TOP3A: variants seen among roughly 807,000 people sequenced by gnomAD.
TOP3A encodes the protein DNA topoisomerase III alpha, also known as DNA topoisomerase 3-alpha.
TOP3A carries 64 observed loss-of-function variants against 111.3 expected under a neutral mutation model. The ratio of observed to expected loss-of-function variants is 0.57; its 90% CI spans 0.47 to 0.71. The LOEUF (loss-of-function observed/expected upper bound fraction) is 0.71. TOP3A is among the 30% of genes least tolerant of loss of function. The probability of loss-of-function intolerance (pLI) is 0.00; values close to 1 mark genes in which losing one functional copy is unlikely to be tolerated. For synonymous variants in TOP3A, 484 were observed against 485.1 expected (o/e 1.00, Z 0.03); for missense variants, 1,104 against 1,285.0 (o/e 0.86, Z 2.15).
chr17:18,294,967 T>C (rs1980704906), intron 9 of TOP3A, among the ~76,000 whole-genome samples, 182 bp from the exon 10 acceptor site: 1 of 152,210 alleles, frequency 6.6e-6, no homozygotes. Flanking sequence ...GATCCTAGCC[T>C]AGTGGTTCTC....
At chr17:18,308,502 G>A (rs1981722617) in intron 2 of TOP3A, 78 bp from the exon 3 acceptor site, 3 of 982,800 alleles carry the variant, frequency 3.1e-6, no homozygotes, top group East Asian at 2.6e-5. Context: ...ATGAGAGGGA[G>A]GAGCTTCTAT....
At chr17:18,300,963 T>A (rs1981190566) in intron 8 of TOP3A, among the ~76,000 whole-genome samples, 1 of 152,186 alleles carries the variant, frequency 6.6e-6, no homozygotes, top group African/African-American at 2.4e-5. Flanking sequence ...AGCTTCCTCA[T>A]CTGGAAAATG....
rs201230376 is a variant in TOP3A, at chr17:18,308,223, C to CAAAAA, written c.314+123_314+127dup. On this transcript the variant is annotated intron_variant, in intron 3 of 18. Transcript: ENST00000321105. The stretch of plus-strand genomic sequence containing the variant: ...TCTCACTCTGAAACTTTGTCTCCAA[C>CAAAAA]AAAAAAAAAAAAAAAAAAAAAAAAA... The CAAAAA allele has an allele frequency of 6.1e-5, 15 of 245,772 alleles. 1 individual carries two copies. The highest frequency in any genetic ancestry group is 2.3e-4 in the East Asian group (2 of 8,822). The allele number at this position is 245,772 out of a possible 1,614,324, so 15.2% of individuals were successfully genotyped here.
intron 15 of TOP3A, among the ~76,000 whole-genome samples, chr17:18,283,380 A>AT (rs533733744): frequency 1.2e-4 from 18 of 152,104 alleles, no homozygotes; most frequent in Non-Finnish European, 2.6e-4. Flanking sequence ...AAAAAAAAAA[A>AT]GTAAAACTGC....
At position 18,280,571 on chromosome 17, in the gene TOP3A, A is replaced by C. The variant is rs768975718; in HGVS notation, c.2109T>G (p.Ser703Arg). Residue 703 changes from serine (S) to arginine (R), a missense_variant, in exon 17 of 19, where the codon AGT (serine) becomes AGG (arginine). By Grantham distance (110) the Ser-to-Arg change is moderately radical. Coordinates refer to ENST00000321105, the MANE Select transcript of TOP3A (RefSeq NM_004618.5). ...DSVLEASRDSSVCPVCQPHPV... is the reference protein window; with the variant it reads ...DSVLEASRDSRVCPVCQPHPV... ...GGTGTGGCTGACAAACTGGACACAC[A>C]CTGCTGTCCCTGCTGGCCTCCAGCA... The C allele has an allele frequency of 1.9e-6, 3 of 1,613,810 alleles. No individual in the cohort carries two copies. The highest frequency in any genetic ancestry group is 2.5e-6 in the Non-Finnish European group (3 of 1,179,886).
At chr17:18,277,375 T>C (rs9903762) in intron 18 of TOP3A, among the ~76,000 whole-genome samples, 8,265 of 152,178 alleles carry the variant, frequency 0.054, 650 homozygotes, top group African/African-American at 0.17. Context: ...ATAAGTAAAA[T>C]TGTGATCATA....
intron 1 of TOP3A, among the ~76,000 whole-genome samples, chr17:18,309,242 G>A (rs1409929395): frequency 6.6e-6 from 1 of 152,236 alleles, no homozygotes; most frequent in Admixed American, 6.5e-5. Flanking sequence ...TGTTGAGGAT[G>A]TGGAGAAATT....
At chr17:18,299,727 ACT>A in intron 8 of TOP3A, 94 bp from the exon 9 acceptor site, 2 of 1,194,366 alleles carry the variant, frequency 1.7e-6, no homozygotes, top group Admixed American at 3.4e-5. Flanking sequence ...TCTAGATCAC[ACT>A]GACCACCGCC....
intron 3 of TOP3A, chr17:18,307,678 A>T (rs1981660428): frequency 6.6e-6 from 1 of 152,158 alleles, no homozygotes; most frequent in Non-Finnish European, 1.5e-5. Flanking sequence ...GCACTTTGGG[A>T]GGCAAAAGAA....
intron 12 of TOP3A, 50 bp from the exon 13 acceptor site, chr17:18,290,736 A>T: frequency 6.3e-7 from 1 of 1,576,088 alleles, no homozygotes. Flanking sequence ...CAGCACACTC[A>T]GGCAAAAAAT....
chr17:18,311,710 C>T (rs1216295173), intron 1 of TOP3A, among the ~76,000 whole-genome samples: 1 of 152,240 alleles, frequency 6.6e-6, no homozygotes, highest in Non-Finnish European at 1.5e-5. Flanking sequence ...CAAGGAGAGG[C>T]AGTGACAAAA....
rs1207748665 is a variant in TOP3A, at chr17:18,274,091, C to G, written c.*711G>C. On this transcript the variant is annotated 3_prime_UTR_variant, in exon 19 of 19. Transcript: ENST00000321105. ...AGCCGGGTCTACAGGCGCACACCGC[C>G]ACACCTGGCTAATTTTTTGTATTTT... 6.6e-6 allele frequency: 1 copy of G among 152,122 alleles called. No individual in the cohort carries two copies. The highest frequency in any genetic ancestry group is 1.5e-5 in the Non-Finnish European group (1 of 68,088). The allele number at this position is 152,122 out of a possible 1,614,324, so 9.4% of individuals were successfully genotyped here. A position where few individuals can be genotyped will look rare whatever the true frequency, so the allele number is the denominator to read the frequency against.
At chr17:18,277,204 A>T (rs1160164372) in intron 18 of TOP3A, among the ~76,000 whole-genome samples, 1 of 151,296 alleles carries the variant, frequency 6.6e-6, no homozygotes, top group African/African-American at 2.4e-5. Flanking sequence ...AAAAAAAAAA[A>T]AAGAAATGAG....
intron 1 of TOP3A, chr17:18,312,881 C>T (rs1981999638): frequency 6.5e-6 from 1 of 154,346 alleles, no homozygotes; most frequent in African/African-American, 2.4e-5. Context: ...CTTTGGGAGG[C>T]TAAGGCGGGT....
At chr17:18,295,531 G>A (rs902221870) in intron 9 of TOP3A, among the ~76,000 whole-genome samples, 5 of 152,022 alleles carry the variant, frequency 3.3e-5, no homozygotes, top group East Asian at 1.9e-4. Flanking sequence ...GCACGATCTC[G>A]GCTCACTGCA....
chr17:18,305,158 T>C lies in TOP3A; in HGVS notation c.453A>G (p.Arg151=). 6.2e-7 allele frequency: 1 copy of C among 1,614,214 alleles called. No individual in the cohort carries two copies. Among genetic ancestry groups the C allele is most frequent in the Non-Finnish European group, 8.5e-7 (1 of 1,180,044 alleles). The part of the protein sequence containing the change: ...QALVIWTDCD[R]EGENIGFEII... ...TCTCAAACCCGATGTTTTCGCCTTC[T>C]CTATCACAGTCAGTCCAGATCACCA... Residue 151 remains arginine (R), a synonymous_variant, in exon 5 of 19, where the codon AGA becomes AGG. Coordinates refer to ENST00000321105, the MANE Select transcript of TOP3A (RefSeq NM_004618.5).
intron 2 of TOP3A, 40 bp downstream of exon 2, chr17:18,308,842 G>T: frequency 7.4e-7 from 1 of 1,349,658 alleles, no homozygotes. Flanking sequence ...ACTTTCTCTT[G>T]CTTATGATTG....
intron 5 of TOP3A, 51 bp from the exon 6 acceptor site, chr17:18,302,774 C>G: frequency 6.3e-7 from 1 of 1,580,432 alleles, no homozygotes; most frequent in Non-Finnish European, 8.6e-7. Context: ...CACTGCCCTC[C>G]ATCATAAAGG....
intron 6 of TOP3A, 45 bp downstream of exon 6, chr17:18,302,535 C>A (rs780741872): frequency 1.4e-5 from 22 of 1,602,666 alleles, no homozygotes; most frequent in Non-Finnish European, 1.9e-5. Context: ...GGTCCCATAA[C>A]ACAACATTAA....
Sources: gnomAD v4.1 joint callset for allele counts (sites outside exome capture counted in the v4.1 genomes callset) on GRCh38, gnomAD v4.1.1 for gene constraint, MANE v1.5 for transcripts, NCBI Gene and HGNC (gene_info 2026-07-23, HGNC 2026-07-21) for gene names.